Variants in ACTL7B observed in about 807,000 individuals in gnomAD.
ACTL7B encodes actin like 7B.
In ACTL7B, 14 loss-of-function variants were observed where a neutral mutation model predicts 17.5. The ratio of observed to expected loss-of-function variants is 0.80; its 90% CI spans 0.53 to 1.25. ACTL7B has a LOEUF of 1.25. ACTL7B is among the 50% of genes most tolerant of loss of function. ACTL7B has a pLI of 0.00. For missense variants in ACTL7B, 599 were observed against 573.9 expected, an observed-to-expected ratio of 1.04 and a Z score of -0.45; for synonymous variants, 267 against 252.4, an observed-to-expected ratio of 1.06 and a Z score of -0.55.
Position 108,854,609 on chromosome 9 carries a change from G to A in ACTL7B, c.*74C>T, listed in dbSNP as rs530290472. On this transcript the variant is annotated 3_prime_UTR_variant, in exon 1 of 1. Transcript: ENST00000374667. ...GCCATTTCAGAGTAAACCTTTATGT[G>A]AAATTCTGTAAATGTGTATAGAGAG... 44 of 1,345,964 alleles carry A rather than the reference G, an allele frequency of 3.3e-5. No individual in the cohort carries two copies. In the African/African-American group the frequency reaches 5.5e-4, roughly 17 times the overall value. 83.4% of individuals were successfully genotyped at this position (1,345,964 alleles called of 1,614,324 possible). A position where few individuals can be genotyped will look rare whatever the true frequency, so the allele number is the denominator to read the frequency against.
In ACTL7B at chr9:108,855,852, C is replaced by G. The variant is rs763647244; in HGVS notation, c.79G>C (p.Asp27His). 35 of 1,611,074 alleles carry G rather than the reference C, an allele frequency of 2.2e-5. No individual in the cohort carries two copies. In the African/African-American group the frequency reaches 4.1e-4, roughly 19 times the overall value. ...GCACCTGTGTCCCGGAGGCTGGCGT[C>G]AGGGCCGGGCCGTGTTCCTGCCTCT... ...PGEAGTRPGP[D>H]ASLRDTGAAT... Residue 27 changes from aspartate (D) to histidine (H), a missense_variant, in exon 1 of 1, where the codon GAC (aspartate) becomes CAC (histidine). Physicochemically the swap from Asp to His is moderately conservative, Grantham distance 81. Transcript: ENST00000374667.
In ACTL7B at chr9:108,855,505, G is replaced by A. The variant is rs753999295; in HGVS notation, c.426C>T (p.Pro142=). Residue 142 remains proline, a synonymous_variant, in exon 1 of 1, where the codon CCC becomes CCT. Transcript: ENST00000374667. ...CGGAGACCAGCACAGCGTGCTCCTC[G>A]GGGAGGATCTTCATGGCGGTGCGGA... ...YIFRTAMKIL[P]EEHAVLVSDP... is the part of the protein sequence containing the mutation. 1.1e-5 allele frequency: 18 copies of A among 1,613,538 alleles called. No homozygotes were observed. The East Asian group carries it at 1.8e-4, about 16-fold the overall frequency.
Position 108,855,027 on chromosome 9 carries a change from G to A in ACTL7B, c.904C>T (p.Leu302Phe). 6.6e-7 allele frequency: 1 copy of A among 1,522,704 alleles called. No homozygotes were observed. Among genetic ancestry groups the A allele is most frequent in the Non-Finnish European group, 8.8e-7 (1 of 1,133,682 alleles). The allele number at this position is 1,522,704 out of a possible 1,614,324, so 94.3% of individuals were successfully genotyped here. The change falls in exon 1 of 1, where the codon CTC becomes TTC. Residue 302 changes from leucine (L) to phenylalanine (F), a missense_variant. By Grantham distance (22) the Leu-to-Phe change is conservative (BLOSUM62 0). Coordinates refer to ENST00000374667, the MANE Select transcript of ACTL7B (RefSeq NM_006686.4). ...CTGCCTGCCAGGGAGGGCTGGAAGA[G>A]CATCTCAGAGCAACGGAAGCGCTCC... ...GQERFRCSEM[L>F]FQPSLAGSTQ...
rs1827086675 is a variant in ACTL7B, at chr9:108,855,497, T to A, written c.434A>T (p.His145Leu). The change falls in exon 1 of 1, where the codon CAC becomes CTC. Residue 145 changes from histidine (H) to leucine (L), a missense_variant. By Grantham distance (99) the His-to-Leu change is moderately conservative. Coordinates refer to ENST00000374667, the MANE Select transcript of ACTL7B (RefSeq NM_006686.4). ...CGGAGGGTCGGAGACCAGCACAGCG[T>A]GCTCCTCGGGGAGGATCTTCATGGC... ...RTAMKILPEE[H>L]AVLVSDPPLS... 1 of 1,613,522 alleles carries A rather than the reference T, an allele frequency of 6.2e-7. No homozygotes were observed. Among genetic ancestry groups the A allele is most frequent in the South Asian group, 1.1e-5 (1 of 91,086 alleles).
chr9:108,855,466 G>A lies in ACTL7B; in HGVS notation c.465C>T (p.Ser155=), dbSNP rs115335677. The change falls in exon 1 of 1, where the codon AGC becomes AGT. Residue 155 remains serine, a synonymous_variant. Coordinates refer to ENST00000374667, the MANE Select transcript of ACTL7B (RefSeq NM_006686.4). The part of the protein sequence containing the change: ...HAVLVSDPPL[S]PSSNREKYAE... ...CGTACTTCTCCCGGTTGCTGCTGGGGCTGAGCGGAGGGTCGGAGACCAGCA... is the reference window on the plus strand; with the variant it reads ...CGTACTTCTCCCGGTTGCTGCTGGGACTGAGCGGAGGGTCGGAGACCAGCA... 49,232 of 1,613,424 alleles carry A rather than the reference G, an allele frequency of 0.031. 930 individuals are homozygous for A. The highest frequency in any genetic ancestry group is 0.037 in the Non-Finnish European group (43,485 of 1,179,978).
In ACTL7B at chr9:108,855,778, C is replaced by T. The variant is rs1827093832; in HGVS notation, c.153G>A (p.Ala51=). ...ACTGGGAGCCCAGGTCGATGATGAC[C>T]GCCTTGATCTTGTGCACCTTCCTGG... ...MKPRKVHKIK[A]VIIDLGSQYC... is the part of the protein sequence containing the mutation. The change falls in exon 1 of 1, where the codon GCG becomes GCA. Residue 51 remains alanine, a synonymous_variant. Transcript: ENST00000374667. 1.9e-6 allele frequency: 3 copies of T among 1,609,970 alleles called. No individual in the cohort carries two copies. The highest frequency in any genetic ancestry group is 2.5e-6 in the Non-Finnish European group (3 of 1,179,998).
In ACTL7B at chr9:108,855,368, G is replaced by A. The variant is rs757112049; in HGVS notation, c.563C>T (p.Ser188Phe). 5 of 1,612,424 alleles carry A rather than the reference G, an allele frequency of 3.1e-6. No individual in the cohort carries two copies. Among genetic ancestry groups the A allele is most frequent in the South Asian group, 1.1e-5 (1 of 91,092 alleles). Residue 188 changes from serine to phenylalanine, a missense_variant, in exon 1 of 1, where the codon TCC (serine) becomes TTC (phenylalanine). Physicochemically the swap from Ser to Phe is radical, Grantham distance 155 (BLOSUM62 -2). Transcript: ENST00000374667. ...VTSQSLLSIY[S>F]YGKTSGLVVE... ...CACCAGCCCCGAGGTCTTGCCGTAGGAGTAGATGGACAGCAACGACTGGGA... is the reference window on the plus strand; with the variant it reads ...CACCAGCCCCGAGGTCTTGCCGTAGAAGTAGATGGACAGCAACGACTGGGA...
At position 108,855,612 on chromosome 9, in the gene ACTL7B, C is replaced by T; in HGVS notation, c.319G>A (p.Ala107Thr). The T allele has an allele frequency of 1.9e-6, 3 of 1,613,816 alleles. No individual in the cohort carries two copies. The highest frequency in any genetic ancestry group is 2.5e-6 in the Non-Finnish European group (3 of 1,180,040). The part of the protein sequence containing the change: ...LVGHELLNTE[A>T]PLKLVNPLKH... ...AGCGGGTTCACCAGCTTGAGAGGCG[C>T]CTCCGTGTTGAGCAGCTCATGGCCC... Residue 107 changes from alanine (A) to threonine (T), a missense_variant, in exon 1 of 1, where the codon GCG becomes ACG. By Grantham distance (58) the Ala-to-Thr change is moderately conservative. Coordinates refer to ENST00000374667, the MANE Select transcript of ACTL7B (RefSeq NM_006686.4).
At position 108,854,700 on chromosome 9, in the gene ACTL7B, T is replaced by C. The variant is rs776306463; in HGVS notation, c.1231A>G (p.Ile411Val). The change falls in exon 1 of 1, where the codon ATC (isoleucine) becomes GTC (valine). Residue 411 changes from isoleucine (I) to valine (V), a missense_variant. Coordinates refer to ENST00000374667, the MANE Select transcript of ACTL7B (RefSeq NM_006686.4). ...EEFEERGSVA[I>V]YSKC ...GCCGAGGCTCAGCACTTGCTGTAGA[T>C]GGCCACGCTGCCCCGCTCCTCAAAC... 3.3e-6 allele frequency: 5 copies of C among 1,513,640 alleles called. No homozygotes were observed. In the South Asian group the frequency reaches 5.4e-5, roughly 16 times the overall value. 93.8% of individuals were successfully genotyped at this position (1,513,640 alleles called of 1,614,324 possible). A position where few individuals can be genotyped will look rare whatever the true frequency, so the allele number is the denominator to read the frequency against.
Position 108,855,099 on chromosome 9 carries a change from GCAGCTCCTCCGGGACCAGGCC to G in ACTL7B, c.811_831del (p.Gly271_Leu277del), listed in dbSNP as rs766680801. On this transcript the variant is annotated inframe_deletion, in exon 1 of 1. Coordinates refer to ENST00000374667, the MANE Select transcript of ACTL7B (RefSeq NM_006686.4). ...CCGTCCGGGAGCTCGTAGTCCACGC[GCAGCTCCTCCGGGACCAGGCC>G]CAGCTCCTCCTCGGGCAGGAAGGCC... 8.1e-6 allele frequency: 13 copies of G among 1,597,594 alleles called. No individual in the cohort carries two copies. The highest frequency in any genetic ancestry group is 8.0e-5 in the South Asian group (7 of 87,796).
At position 108,855,577 on chromosome 9, in the gene ACTL7B, G is replaced by T. The variant is rs146563384; in HGVS notation, c.354C>A (p.Gly118=). 3.1e-6 allele frequency: 5 copies of T among 1,613,684 alleles called. No individual in the cohort carries two copies. In the African/African-American group the frequency reaches 6.7e-5, roughly 22 times the overall value. ...PLKLVNPLKH[G]IVVDWDCVQD... ...GCACGCAGTCCCAGTCCACCACGAT[G>T]CCGTGCTTCAGCGGGTTCACCAGCT... The change falls in exon 1 of 1, where the codon GGC becomes GGA. Residue 118 remains glycine (G), a synonymous_variant. Coordinates refer to ENST00000374667, the MANE Select transcript of ACTL7B (RefSeq NM_006686.4).
rs1267790926 is a variant in ACTL7B, at chr9:108,855,441, C to T, written c.490G>A (p.Ala164Thr). The T allele has an allele frequency of 7.4e-6, 12 of 1,613,188 alleles. No homozygotes were observed. The highest frequency in any genetic ancestry group is 2.7e-5 in the African/African-American group (2 of 74,954). The change falls in exon 1 of 1, where the codon GCG (alanine) becomes ACG (threonine). Residue 164 changes from alanine to threonine, a missense_variant. Physicochemically the swap from Ala to Thr is moderately conservative, Grantham distance 58. Transcript: ENST00000374667. ...CCGAAGGTCTCAAACATGAGCTCCG[C>T]GTACTTCTCCCGGTTGCTGCTGGGG... ...LSPSSNREKY[A>T]ELMFETFGIP...
rs566851763 is a variant in ACTL7B, at chr9:108,855,065, A to G, written c.866T>C (p.Ile289Thr). 4 of 1,560,576 alleles carry G rather than the reference A, an allele frequency of 2.6e-6. No homozygotes were observed. The Admixed American group carries it at 7.4e-5, about 29-fold the overall frequency. Residue 289 changes from isoleucine (I) to threonine (T), a missense_variant, in exon 1 of 1, where the codon ATC becomes ACC. Transcript: ENST00000374667. The part of the protein sequence containing the change: ...VDYELPDGKL[I>T]TIGQERFRCS... ...ACGGAAGCGCTCCTGGCCAATAGTG[A>G]TGAGTTTGCCGTCCGGGAGCTCGTA... is the stretch of plus-strand genomic sequence containing the variant.
rs1827069594 is a variant in ACTL7B at position 108,854,885 on chromosome 9, T to C, written c.1046A>G (p.Asp349Gly). The C allele has an allele frequency of 6.5e-7, 1 of 1,528,480 alleles. No homozygotes were observed. Among genetic ancestry groups the C allele is most frequent in the Non-Finnish European group, 8.8e-7 (1 of 1,138,028 alleles). 94.7% of individuals were successfully genotyped at this position (1,528,480 alleles called of 1,614,324 possible). ...CCTCTGGAAGCGCTCGGGGAAGCCA[T>C]CCAGCATAGTGCAGCCGCCACACAG... ...VLLCGGCTMLDGFPERFQREL... is the reference protein window; with the variant it reads ...VLLCGGCTMLGGFPERFQREL... Residue 349 changes from aspartate to glycine, a missense_variant, in exon 1 of 1, where the codon GAT becomes GGT. Physicochemically the swap from Asp to Gly is moderately conservative, Grantham distance 94. Transcript: ENST00000374667.
chr9:108,855,583 C>T lies in ACTL7B; in HGVS notation c.348G>A (p.Lys116=). The change falls in exon 1 of 1, where the codon AAG becomes AAA. Residue 116 remains lysine (K), a synonymous_variant. Transcript: ENST00000374667. ...EAPLKLVNPL[K]HGIVVDWDCV... Reference sequence around the variant, plus strand: ...AGTCCCAGTCCACCACGATGCCGTGCTTCAGCGGGTTCACCAGCTTGAGAG... The same window carrying T: ...AGTCCCAGTCCACCACGATGCCGTGTTTCAGCGGGTTCACCAGCTTGAGAG... 1 of 1,613,794 alleles carries T rather than the reference C, an allele frequency of 6.2e-7. No individual in the cohort carries two copies. The highest frequency in any genetic ancestry group is 1.7e-5 in the Admixed American group (1 of 60,032).
At position 108,855,733 on chromosome 9, in the gene ACTL7B, C is replaced by G. The variant is rs745654240; in HGVS notation, c.198G>C (p.Ala66=). The G allele has an allele frequency of 3.1e-6, 5 of 1,608,678 alleles. No individual in the cohort carries two copies. Among genetic ancestry groups the G allele is most frequent in the East Asian group, 4.5e-5 (2 of 44,890 alleles). ...TGAAGTAGGTGGGCCTCGGCTCTCC[C>G]GCGTAGCCGCACTTGCAGTACTGGG... ...LGSQYCKCGY[A]GEPRPTYFIS... is the part of the protein sequence containing the mutation. The change falls in exon 1 of 1, where the codon GCG becomes GCC. Residue 66 remains alanine (A), a synonymous_variant. Coordinates refer to ENST00000374667, the MANE Select transcript of ACTL7B (RefSeq NM_006686.4).
At position 108,854,989 on chromosome 9, in the gene ACTL7B, G is replaced by A. The variant is rs1164038189; in HGVS notation, c.942C>T (p.Gly314=). The change falls in exon 1 of 1, where the codon GGC becomes GGT. Residue 314 remains glycine, a synonymous_variant. Coordinates refer to ENST00000374667, the MANE Select transcript of ACTL7B (RefSeq NM_006686.4). The part of the protein sequence containing the change: ...QPSLAGSTQP[G]LPELTAACLG... ...GGCAGGCAGCTGTGAGCTCCGGGAGGCCCGGCTGGGTGCTGCCTGCCAGGG... is the reference window on the plus strand; with the variant it reads ...GGCAGGCAGCTGTGAGCTCCGGGAGACCCGGCTGGGTGCTGCCTGCCAGGG... 15 of 1,517,842 alleles carry A rather than the reference G, an allele frequency of 9.9e-6. No individual in the cohort carries two copies. The South Asian group carries it at 1.7e-4, about 17-fold the overall frequency. 94.0% of individuals were successfully genotyped at this position (1,517,842 alleles called of 1,614,324 possible).
chr9:108,855,028 C>A lies in ACTL7B; in HGVS notation c.903G>T (p.Met301Ile). The A allele has an allele frequency of 6.6e-7, 1 of 1,522,756 alleles. No homozygotes were observed. The allele number at this position is 1,522,756 out of a possible 1,614,324, so 94.3% of individuals were successfully genotyped here. A position where few individuals can be genotyped will look rare whatever the true frequency, so the allele number is the denominator to read the frequency against. Reference protein sequence around the residue: ...IGQERFRCSEMLFQPSLAGST... With the variant: ...IGQERFRCSEILFQPSLAGST... ...TGCCTGCCAGGGAGGGCTGGAAGAG[C>A]ATCTCAGAGCAACGGAAGCGCTCCT... The change falls in exon 1 of 1, where the codon ATG (methionine) becomes ATT (isoleucine). Residue 301 changes from methionine (M) to isoleucine (I), a missense_variant. Transcript: ENST00000374667.
chr9:108,855,367 G>C lies in ACTL7B; in HGVS notation c.564C>G (p.Ser188=). ...VTSQSLLSIY[S]YGKTSGLVVE... The stretch of plus-strand genomic sequence containing the variant: ...CCACCAGCCCCGAGGTCTTGCCGTA[G>C]GAGTAGATGGACAGCAACGACTGGG... Residue 188 remains serine, a synonymous_variant, in exon 1 of 1, where the codon TCC becomes TCG. Coordinates refer to ENST00000374667, the MANE Select transcript of ACTL7B (RefSeq NM_006686.4). The C allele has an allele frequency of 6.2e-7, 1 of 1,612,354 alleles. No homozygotes were observed. Among genetic ancestry groups the C allele is most frequent in the Non-Finnish European group, 8.5e-7 (1 of 1,180,008 alleles).
Sources: allele counts gnomAD v4.1 joint callset, GRCh38; gene constraint gnomAD v4.1.1; transcripts MANE v1.5; gene names NCBI Gene and HGNC (gene_info 2026-07-23, HGNC 2026-07-21).